Variants in PARD3B observed in about 807,000 individuals in gnomAD.
PARD3B encodes the protein par-3 family cell polarity regulator beta.
In PARD3B, 103 loss-of-function variants were observed where a neutral mutation model predicts 130.2. That is an observed-to-expected ratio of 0.79 (90% CI 0.67 to 0.93). The LOEUF (loss-of-function observed/expected upper bound fraction) is 0.93. PARD3B is among the 40% of genes least tolerant of loss of function. The pLI, the probability that PARD3B is intolerant of heterozygous loss-of-function variation, is 0.00. For synonymous variants in PARD3B, 583 were observed against 553.2 expected (o/e 1.05, Z -0.76); for missense variants, 1,609 against 1,499.2 (o/e 1.07, Z -1.21).
chr2:205,413,873 A>C (rs2046684219), intron 19 of PARD3B, among the ~76,000 whole-genome samples: 1 of 152,146 alleles, frequency 6.6e-6, no homozygotes, highest in Non-Finnish European at 1.5e-5. Flanking sequence ...CATTGACTTA[A>C]ATTTAATCAG....
At chr2:205,370,501 C>A (rs752616885) in intron 18 of PARD3B, among the ~76,000 whole-genome samples, 2 of 152,094 alleles carry the variant, frequency 1.3e-5, no homozygotes, top group Non-Finnish European at 2.9e-5. Flanking sequence ...GTGTACCTCT[C>A]GAGGAAGGCA....
chr2:204,593,821 C>T (rs2033173366), intron 1 of PARD3B, among the ~76,000 whole-genome samples: 1 of 152,160 alleles, frequency 6.6e-6, no homozygotes, highest in African/African-American at 2.4e-5. Context: ...CTGCCTTTAT[C>T]TTGCTTCTCC....
intron 4 of PARD3B, among the ~76,000 whole-genome samples, chr2:205,075,490 C>T (rs1323976996): frequency 6.6e-6 from 1 of 151,758 alleles, no homozygotes; most frequent in African/African-American, 2.4e-5. Context: ...AAGGAAAATC[C>T]AAGATCATAT....
At chr2:205,522,127 C>CATTT (rs1487658495) in intron 21 of PARD3B, among the ~76,000 whole-genome samples, 1 of 145,260 alleles carries the variant, frequency 6.9e-6, no homozygotes. Context: ...TTTTTGTTTT[C>CATTT]ATTTATTTTT....
rs561870842 is a variant in PARD3B at position 204,809,459 on chromosome 2, A to G, written c.222+123177A>G. On this transcript the variant is annotated intron_variant, in intron 2 of 22. Coordinates refer to ENST00000406610, the MANE Select transcript of PARD3B (RefSeq NM_001302769.2). Reference sequence around the variant, plus strand: ...TCTTGAGTTGATTTTTGTATATGATATAAGGAAATGGTCCAGCTTGAATCT... The same window carrying G: ...TCTTGAGTTGATTTTTGTATATGATGTAAGGAAATGGTCCAGCTTGAATCT... 7.2e-5 allele frequency among the ~76,000 whole-genome samples: 11 copies of G among 152,196 alleles called. No homozygotes were observed. The East Asian group carries it at 1.9e-3, about 27-fold the overall frequency.
At position 205,015,158 on chromosome 2, in the gene PARD3B, T is replaced by C; in HGVS notation, c.395-32423T>C. The stretch of plus-strand genomic sequence containing the variant: ...CCTATTTTGTATGTTATATGTATTA[T>C]GTATACAATATGTATTTTTATGTAT... On this transcript the variant is annotated intron_variant, in intron 3 of 22. Transcript: ENST00000406610. The surrounding 1 kb of genome is among the most constrained non-coding windows in gnomAD (Gnocchi z 4.5). Among the ~76,000 whole-genome samples the C allele has an allele frequency of 6.6e-6, 1 of 152,316 alleles. No individual in the cohort carries two copies. Among genetic ancestry groups the C allele is most frequent in the East Asian group, 1.9e-4 (1 of 5,190 alleles).
chr2:205,486,777 C>T (rs1362975813), intron 20 of PARD3B, among the ~76,000 whole-genome samples: 1 of 152,064 alleles, frequency 6.6e-6, no homozygotes, highest in African/African-American at 2.4e-5. Flanking sequence ...AATCACCTCC[C>T]ACCAGGCCCC....
chr2:205,532,057 C>A (rs1159049479), intron 21 of PARD3B, among the ~76,000 whole-genome samples: 2 of 152,082 alleles, frequency 1.3e-5, no homozygotes. Context: ...AAAATGGTGA[C>A]CAGAATCTGC....
intron 20 of PARD3B, 123 bp from the exon 21 acceptor site, chr2:205,499,773 T>C (rs2050088746): frequency 1.8e-6 from 2 of 1,125,754 alleles, no homozygotes; most frequent in Non-Finnish European, 2.5e-6. Context: ...TTTCCTGGCA[T>C]ATTTGAATTA....
intron 15 of PARD3B, 45 bp downstream of exon 15, chr2:205,193,365 GC>G: frequency 7.1e-7 from 1 of 1,405,538 alleles, no homozygotes; most frequent in Non-Finnish European, 1.0e-6. Flanking sequence ...TCCAGCCTCA[GC>G]CCATTTATCT....
At position 205,549,058 on chromosome 2, in the gene PARD3B, A is replaced by G. The variant is rs74721220; in HGVS notation, c.3181-4266A>G. 2.0e-3 allele frequency among the ~76,000 whole-genome samples: 311 copies of G among 152,304 alleles called. 1 individual carries two copies. The highest frequency in any genetic ancestry group is 7.0e-3 in the African/African-American group (290 of 41,568). On this transcript the variant is annotated intron_variant, in intron 21 of 22. Transcript: ENST00000406610. ...CATGTCATCAAGGAAATGGCAAAAC[A>G]GCAATGAGATATGACTACACACCTA...
chr2:205,520,925 A>G (rs1433444174), intron 21 of PARD3B, among the ~76,000 whole-genome samples: 1 of 151,890 alleles, frequency 6.6e-6, no homozygotes, highest in Non-Finnish European at 1.5e-5. Flanking sequence ...GTTTCTTATC[A>G]TAAGTAATGA....
At chr2:205,340,283 C>T (rs979769541) in intron 18 of PARD3B, among the ~76,000 whole-genome samples, 1 of 151,906 alleles carries the variant, frequency 6.6e-6, no homozygotes, top group Non-Finnish European at 1.5e-5. Flanking sequence ...CCACAAAAGA[C>T]CCTGAATAGT....
intron 2 of PARD3B, among the ~76,000 whole-genome samples, chr2:204,844,341 T>C (rs2044377486): frequency 6.6e-6 from 1 of 152,154 alleles, no homozygotes; most frequent in Admixed American, 6.5e-5. Context: ...AATAGACTCA[T>C]TCTGAGTCAT....
In PARD3B at chr2:205,124,424, A is replaced by T. The variant is rs745670505; in HGVS notation, c.1263A>T (p.Ala421=). 4.4e-6 allele frequency: 7 copies of T among 1,604,474 alleles called. No individual in the cohort carries two copies. The highest frequency in any genetic ancestry group is 3.4e-6 in the Non-Finnish European group (4 of 1,175,030). Residue 421 remains alanine, a synonymous_variant, in exon 9 of 23, where the codon GCA becomes GCT. Transcript: ENST00000406610. ...FVKNILPKGA[A]IKDGRLQSGD... ...AAAACATTTTACCAAAGGGAGCAGCAATAAAAGATGGCCGCCTACAATCAG... is the reference window on the plus strand; with the variant it reads ...AAAACATTTTACCAAAGGGAGCAGCTATAAAAGATGGCCGCCTACAATCAG...
chr2:205,425,750 T>G (rs2106109931), intron 19 of PARD3B, among the ~76,000 whole-genome samples: 1 of 152,276 alleles, frequency 6.6e-6, no homozygotes, highest in Admixed American at 6.5e-5. Flanking sequence ...CTTGACTTAC[T>G]TTAATGAGCA....
At chr2:205,549,992 C>T (rs1005590781) in intron 21 of PARD3B, among the ~76,000 whole-genome samples, 2 of 152,108 alleles carry the variant, frequency 1.3e-5, no homozygotes, top group African/African-American at 4.8e-5. Flanking sequence ...CAGCAATAGC[C>T]ACAGTAGGAG....
intron 19 of PARD3B, among the ~76,000 whole-genome samples, chr2:205,430,083 T>C (rs1265181486): frequency 6.6e-6 from 1 of 152,218 alleles, no homozygotes; most frequent in Non-Finnish European, 1.5e-5. Context: ...TTAAACTTAA[T>C]TACATGTACA....
At chr2:204,739,636 T>G (rs1052874644) in intron 2 of PARD3B, among the ~76,000 whole-genome samples, 2 of 152,018 alleles carry the variant, frequency 1.3e-5, no homozygotes, top group African/African-American at 2.4e-5. Flanking sequence ...TTTGTTTTAT[T>G]TTATTGTAAT....
Sources: allele counts gnomAD v4.1 joint callset (sites outside exome capture counted in the v4.1 genomes callset), GRCh38; gene constraint gnomAD v4.1.1; non-coding constraint Gnocchi (gnomAD v3.1); transcripts MANE v1.5; gene names NCBI Gene and HGNC (gene_info 2026-07-23, HGNC 2026-07-21).